ARMC7: variants seen among roughly 807,000 people sequenced by gnomAD.
ARMC7 encodes the protein armadillo repeat containing 7.
A neutral mutation model predicts 14.8 loss-of-function variants in ARMC7; 9 were observed. The observed-to-expected ratio is 0.61, with a 90% CI of 0.37 to 1.06. ARMC7 has a LOEUF of 1.06. Ranked by LOEUF, ARMC7 falls within the 50% of genes least tolerant of loss-of-function variation. ARMC7 has a pLI of 0.01. For missense variants in ARMC7, 262 were observed against 267.1 expected (o/e 0.98, Z 0.13); for synonymous variants, 125 against 123.4 (o/e 1.01, Z -0.09).
At position 75,120,363 on chromosome 17, in the gene ARMC7, C is replaced by T. The variant is rs115496202; in HGVS notation, c.236-8314C>T. ...TCATCTTGCTTTCATGTGGGGTTTC[C>T]TCTTTTGCCTCTCCAGGGTTCTCGT... On this transcript the variant is annotated intron_variant, in intron 2 of 2. Transcript: ENST00000245543. Among the ~76,000 whole-genome samples, 972 of 152,264 alleles carry T rather than the reference C, an allele frequency of 6.4e-3. 12 individuals are homozygous for T. The highest frequency in any genetic ancestry group is 0.022 in the African/African-American group (934 of 41,542).
At chr17:75,122,099 C>T (rs915398963) in intron 2 of ARMC7, among the ~76,000 whole-genome samples, 2 of 151,750 alleles carry the variant, frequency 1.3e-5, no homozygotes, top group Non-Finnish European at 2.9e-5. Flanking sequence ...TTTGGGAGGG[C>T]GAGGCAGGTG....
intron 2 of ARMC7, among the ~76,000 whole-genome samples, chr17:75,124,894 CT>C (rs2074040256): frequency 6.6e-6 from 1 of 152,326 alleles, no homozygotes; most frequent in East Asian, 1.9e-4. Context: ...GTTCTAGGAA[CT>C]TGAGCCCTGC....
In ARMC7 at chr17:75,111,975, G is replaced by A. The variant is rs1260127379; in HGVS notation, c.235+1369G>A. On this transcript the variant is annotated intron_variant, in intron 2 of 2. Coordinates refer to ENST00000245543, the MANE Select transcript of ARMC7 (RefSeq NM_024585.4). Reference sequence around the variant, plus strand: ...CAGGAGCTTACATTCTAGTAGGGGGGACAGGTGGTTAGCAAACAAAAAAGA... The same window carrying A: ...CAGGAGCTTACATTCTAGTAGGGGGAACAGGTGGTTAGCAAACAAAAAAGA... Among the ~76,000 whole-genome samples, 2 of 151,514 alleles carry A rather than the reference G, an allele frequency of 1.3e-5. 1 individual carries two copies. The highest frequency in any genetic ancestry group is 3.8e-4 in the East Asian group (2 of 5,204).
intron 2 of ARMC7, among the ~76,000 whole-genome samples, chr17:75,126,283 C>T (rs1054124390): frequency 6.6e-6 from 1 of 152,104 alleles, no homozygotes; most frequent in Admixed American, 6.6e-5. Context: ...GTCCCCAAGG[C>T]TAAGAGGTCA....
intron 2 of ARMC7, among the ~76,000 whole-genome samples, chr17:75,118,617 G>C (rs2073989768): frequency 6.6e-6 from 1 of 152,204 alleles, no homozygotes; most frequent in Non-Finnish European, 1.5e-5. Flanking sequence ...GCCTCTTGTG[G>C]ATCTGCCCAT....
At chr17:75,128,593 G>A (rs1366911597) in intron 2 of ARMC7, 84 bp from the exon 3 acceptor site, 2 of 1,521,142 alleles carry the variant, frequency 1.3e-6, no homozygotes, top group Non-Finnish European at 1.8e-6. Flanking sequence ...CAACAGCCTG[G>A]GCCCCTACCT....
At chr17:75,114,746 A>G in intron 2 of ARMC7, 1 of 397,386 alleles carries the variant, frequency 2.5e-6, no homozygotes. Context: ...CCCCCGCCCC[A>G]AGCACAGTAG....
At chr17:75,124,751 A>G (rs2074039170) in intron 2 of ARMC7, among the ~76,000 whole-genome samples, 1 of 151,602 alleles carries the variant, frequency 6.6e-6, no homozygotes, top group Non-Finnish European at 1.5e-5. Context: ...GAAGGCTCCC[A>G]TCTCTTTAGC....
In ARMC7 at chr17:75,110,186, C is replaced by T; in HGVS notation, c.-103C>T. 1.8e-6 allele frequency: 2 copies of T among 1,141,334 alleles called. No homozygotes were observed. The highest frequency in any genetic ancestry group is 2.4e-6 in the Non-Finnish European group (2 of 824,990). 70.7% of individuals were successfully genotyped at this position (1,141,334 alleles called of 1,614,324 possible). ...AAACCCATTTGCCGACCCCCTCTTCCCTCTCCAGACAGGTGGAGAGCGGGT... is the reference window on the plus strand; with the variant it reads ...AAACCCATTTGCCGACCCCCTCTTCTCTCTCCAGACAGGTGGAGAGCGGGT... On this transcript the variant is annotated 5_prime_UTR_variant, in exon 1 of 3. Coordinates refer to ENST00000245543, the MANE Select transcript of ARMC7 (RefSeq NM_024585.4).
rs1205640881 is a variant in ARMC7 at position 75,128,707 on chromosome 17, C to A, written c.266C>A (p.Ala89Asp). The A allele has an allele frequency of 6.2e-7, 1 of 1,613,246 alleles. No homozygotes were observed. The stretch of plus-strand genomic sequence containing the variant: ...CTGTGCAACCTGTGCCCAGACAGGG[C>A]CAACAAGGAGCACATCCTGCACGCA... ...GGLCNLCPDR[A>D]NKEHILHAGG... The change falls in exon 3 of 3, where the codon GCC (alanine) becomes GAC (aspartate). Residue 89 changes from alanine to aspartate, a missense_variant. By Grantham distance (126) the Ala-to-Asp change is moderately radical. Transcript: ENST00000245543.
Position 75,110,351 on chromosome 17 carries a change from C to A in ARMC7, c.63C>A (p.Val21=). ...GGCTGGGATACCTGCAGGCGCTGGTCACGGAATTCCAGGAGACCCAAAGCC... is the reference window on the plus strand; with the variant it reads ...GGCTGGGATACCTGCAGGCGCTGGTAACGGAATTCCAGGAGACCCAAAGCC... ...VGRLGYLQAL[V]TEFQETQSQD... The change falls in exon 1 of 3, where the codon GTC becomes GTA. Residue 21 remains valine, a synonymous_variant. Transcript: ENST00000245543. 6.2e-7 allele frequency: 1 copy of A among 1,614,060 alleles called. No homozygotes were observed. The highest frequency in any genetic ancestry group is 1.1e-5 in the South Asian group (1 of 91,068).
intron 2 of ARMC7, among the ~76,000 whole-genome samples, chr17:75,122,612 C>G (rs61170207): frequency 0.059 from 8,909 of 152,072 alleles, 713 homozygotes; most frequent in African/African-American, 0.17. Flanking sequence ...ATCCTCCTGC[C>G]TCACCACCCA....
chr17:75,121,620 G>A (rs1375395556), intron 2 of ARMC7, among the ~76,000 whole-genome samples: 1 of 152,084 alleles, frequency 6.6e-6, no homozygotes, highest in Non-Finnish European at 1.5e-5. Context: ...CGCCATGTTG[G>A]CCAGGCTGGT....
At position 75,129,328 on chromosome 17, in the gene ARMC7, GCCAAGTGCCTGGAC is replaced by G. The variant is rs2074082616; in HGVS notation, c.*294_*307del. 2.0e-6 allele frequency: 1 copy of G among 492,492 alleles called. No individual in the cohort carries two copies. Among genetic ancestry groups the G allele is most frequent in the Non-Finnish European group, 3.6e-6 (1 of 277,446 alleles). 30.5% of individuals were successfully genotyped at this position (492,492 alleles called of 1,614,324 possible). A position where few individuals can be genotyped will look rare whatever the true frequency, so the allele number is the denominator to read the frequency against. The stretch of plus-strand genomic sequence containing the variant: ...GACTCAGGCCCTGGTGTAAGAAGCG[GCCAAGTGCCTGGAC>G]CCAGAGGCTTTGCAGGACAGTGTTC... On this transcript the variant is annotated 3_prime_UTR_variant, in exon 3 of 3. Coordinates refer to ENST00000245543, the MANE Select transcript of ARMC7 (RefSeq NM_024585.4).
chr17:75,123,561 G>A (rs2074029316), intron 2 of ARMC7, among the ~76,000 whole-genome samples: 1 of 151,886 alleles, frequency 6.6e-6, no homozygotes, highest in African/African-American at 2.4e-5. Context: ...CACCGTGTTA[G>A]CCAGGACGGT....
rs548744990 is a variant in ARMC7 at position 75,118,578 on chromosome 17, G to A, written c.235+7972G>A. On this transcript the variant is annotated intron_variant, in intron 2 of 2. Transcript: ENST00000245543. ...TACAGCGACCGCGGAGAACACGCAC[G>A]GGTTTTCAAGTCTCTGGCCTCTTTT... Among the ~76,000 whole-genome samples, 276 of 152,312 alleles carry A rather than the reference G, an allele frequency of 1.8e-3. 1 individual carries two copies. The South Asian group carries it at 0.021, about 12-fold the overall frequency.
At chr17:75,126,420 C>G (rs2074051684) in intron 2 of ARMC7, among the ~76,000 whole-genome samples, 1 of 152,152 alleles carries the variant, frequency 6.6e-6, no homozygotes, top group Admixed American at 6.6e-5. Context: ...CCCCCAGAAT[C>G]CTAGTAACGG....
chr17:75,130,197 T>G lies in ARMC7; in HGVS notation c.*1159T>G. The G allele has an allele frequency of 2.7e-6, 1 of 364,150 alleles. No individual in the cohort carries two copies. Among genetic ancestry groups the G allele is most frequent in the Non-Finnish European group, 5.1e-6 (1 of 196,356 alleles). 22.6% of individuals were successfully genotyped at this position (364,150 alleles called of 1,614,324 possible). ...GCACCCGCTCAGGGAGCCTGTCCCT[T>G]TATGTTCCCAAATAAAGGGTCCTAG... On this transcript the variant is annotated 3_prime_UTR_variant, in exon 3 of 3. Transcript: ENST00000245543.
chr17:75,125,208 C>T (rs2074042580), intron 2 of ARMC7, among the ~76,000 whole-genome samples: 1 of 152,204 alleles, frequency 6.6e-6, no homozygotes, highest in African/African-American at 2.4e-5. Context: ...TGTCAGGGAG[C>T]CACACTGTCC....
Sources: allele counts gnomAD v4.1 joint callset (sites outside exome capture counted in the v4.1 genomes callset), GRCh38; gene constraint gnomAD v4.1.1; transcripts MANE v1.5; gene names NCBI Gene and HGNC (gene_info 2026-07-23, HGNC 2026-07-21).